Variants in ULK4 observed in about 807,000 individuals in gnomAD.
ULK4 encodes the protein inactive serine/threonine-protein kinase ULK4.
ULK4 carries 133 observed loss-of-function variants against 160.6 expected under a neutral mutation model. That is an observed-to-expected ratio of 0.83 (90% confidence interval 0.72 to 0.96). The LOEUF (loss-of-function observed/expected upper bound fraction) is 0.96. Ranked by LOEUF, ULK4 falls within the 40% of genes least tolerant of loss-of-function variation. The probability of loss-of-function intolerance (pLI) is 0.00; values close to 1 mark genes in which losing one functional copy is unlikely to be tolerated. For synonymous variants in ULK4, 534 were observed against 539.8 expected (o/e 0.99, Z 0.15); for missense variants, 1,580 against 1,499.5 (o/e 1.05, Z -0.89).
intron 11 of ULK4, among the ~76,000 whole-genome samples, chr3:41,910,859 AG>A (rs1291789166): frequency 7.2e-5 from 11 of 152,256 alleles, no homozygotes; most frequent in Admixed American, 5.9e-4. Context: ...GCTACTTGAG[AG>A]GCTAAAGTGG....
chr3:41,903,324 C>T (rs1461345999), intron 12 of ULK4, among the ~76,000 whole-genome samples: 6 of 152,212 alleles, frequency 3.9e-5, no homozygotes, highest in Non-Finnish European at 5.9e-5. Context: ...GTGGCTCACA[C>T]CTGCAATCCC....
chr3:41,498,147 C>T (rs1285243727), intron 32 of ULK4, among the ~76,000 whole-genome samples: 1 of 152,100 alleles, frequency 6.6e-6, no homozygotes, highest in African/African-American at 2.4e-5. Flanking sequence ...AAACTAAATG[C>T]CAGGCCAAAA....
intron 33 of ULK4, among the ~76,000 whole-genome samples, chr3:41,457,136 T>C (rs746269903): frequency 2.0e-5 from 3 of 152,296 alleles, no homozygotes; most frequent in African/African-American, 2.4e-5. Context: ...ACATGGAATA[T>C]TAGCCTTTCC....
intron 17 of ULK4, among the ~76,000 whole-genome samples, chr3:41,855,225 T>C (rs2042307926): frequency 7.3e-6 from 1 of 137,702 alleles, no homozygotes; most frequent in Non-Finnish European, 1.5e-5. Flanking sequence ...TTAGCAACTA[T>C]ACTGGAAAGA....
At chr3:41,679,102 CA>C (rs1404743935) in intron 29 of ULK4, among the ~76,000 whole-genome samples, 1 of 152,056 alleles carries the variant, frequency 6.6e-6, no homozygotes, top group Non-Finnish European at 1.5e-5. Context: ...CAGGAAGGCA[CA>C]ATAAGCATTA....
At chr3:41,751,751 A>G (rs2038637633) in intron 22 of ULK4, among the ~76,000 whole-genome samples, 4 of 152,224 alleles carry the variant, frequency 2.6e-5, no homozygotes, top group African/African-American at 9.6e-5. Flanking sequence ...TAGCATCATC[A>G]GAGTGGCTCT....
intron 14 of ULK4, among the ~76,000 whole-genome samples, chr3:41,897,489 C>T (rs1392533996): frequency 6.6e-6 from 1 of 152,022 alleles, no homozygotes; most frequent in Non-Finnish European, 1.5e-5. Flanking sequence ...AAAAAAAAGG[C>T]AAAATCTAGG....
intron 17 of ULK4, among the ~76,000 whole-genome samples, chr3:41,845,767 T>TC (rs1180093266): frequency 2.0e-5 from 3 of 151,906 alleles, no homozygotes; most frequent in East Asian, 1.9e-4. Flanking sequence ...TTGATATTTG[T>TC]CCCCCCCAAA....
chr3:41,495,708 C>CA (rs1336449105), intron 32 of ULK4, among the ~76,000 whole-genome samples: 1 of 151,544 alleles, frequency 6.6e-6, no homozygotes, highest in Non-Finnish European at 1.5e-5. Flanking sequence ...CCAGAATCTA[C>CA]AATGAACTCA....
At chr3:41,438,732 T>G (rs537998897) in intron 34 of ULK4, among the ~76,000 whole-genome samples, 1 of 151,846 alleles carries the variant, frequency 6.6e-6, no homozygotes, top group East Asian at 1.9e-4. Flanking sequence ...GAGACTGAGG[T>G]GGGAGGATCA....
intron 22 of ULK4, among the ~76,000 whole-genome samples, chr3:41,729,328 T>G (rs1056682791): frequency 2.0e-5 from 3 of 152,184 alleles, no homozygotes; most frequent in African/African-American, 4.8e-5. Flanking sequence ...AATCTCGCAC[T>G]CCTCACGGGC....
chr3:41,825,594 A>G (rs2041317853), intron 18 of ULK4, among the ~76,000 whole-genome samples: 2 of 152,246 alleles, frequency 1.3e-5, no homozygotes, highest in South Asian at 2.1e-4. Context: ...AAATGAAGCA[A>G]GAAGAGAAGT....
At chr3:41,483,636 G>A (rs2084404938) in intron 32 of ULK4, among the ~76,000 whole-genome samples, 2 of 152,070 alleles carry the variant, frequency 1.3e-5, no homozygotes, top group African/African-American at 4.8e-5. Flanking sequence ...TGAGAATGTG[G>A]AATGCTGAAT....
intron 21 of ULK4, among the ~76,000 whole-genome samples, chr3:41,771,842 G>C (rs1007555510): frequency 6.6e-6 from 1 of 152,158 alleles, no homozygotes; most frequent in Non-Finnish European, 1.5e-5. Context: ...ACATACAATA[G>C]AGTGATTTTT....
At chr3:41,320,994 A>C (rs2080234741) in intron 35 of ULK4, among the ~76,000 whole-genome samples, 1 of 152,202 alleles carries the variant, frequency 6.6e-6, no homozygotes. Flanking sequence ...AATTTAATGC[A>C]ATGATATCTC....
chr3:41,869,576 T>C (rs1013232568), intron 17 of ULK4, among the ~76,000 whole-genome samples: 2 of 152,000 alleles, frequency 1.3e-5, no homozygotes, highest in African/African-American at 2.4e-5. Flanking sequence ...TGAGACTCTG[T>C]CCAAAAAAAC....
intron 21 of ULK4, among the ~76,000 whole-genome samples, chr3:41,773,038 T>C (rs1381335739): frequency 6.6e-6 from 1 of 152,172 alleles, no homozygotes; most frequent in Non-Finnish European, 1.5e-5. Flanking sequence ...TGCTAAAAAC[T>C]CTCAATAAAT....
At chr3:41,675,599 C>T (rs2035686107) in intron 29 of ULK4, among the ~76,000 whole-genome samples, 2 of 151,930 alleles carry the variant, frequency 1.3e-5, no homozygotes, top group South Asian at 4.2e-4. Context: ...CAAAACAAAA[C>T]AAAACAAACA....
At chr3:41,426,131 T>C (rs2082771028) in intron 34 of ULK4, among the ~76,000 whole-genome samples, 1 of 152,194 alleles carries the variant, frequency 6.6e-6, no homozygotes, top group South Asian at 2.1e-4. Context: ...GTTGCAATCC[T>C]AGTTTCTGAC....
Sources: gnomAD v4.1 joint callset for allele counts (sites outside exome capture counted in the v4.1 genomes callset) on GRCh38, gnomAD v4.1.1 for gene constraint, MANE v1.5 for transcripts, NCBI Gene and HGNC (gene_info 2026-07-23, HGNC 2026-07-21) for gene names.